CTNNA3: variants seen among roughly 807,000 people sequenced by gnomAD.
The protein encoded by CTNNA3 is catenin alpha-3.
CTNNA3 carries 76 observed loss-of-function variants against 95.7 expected under a neutral mutation model. The ratio of observed to expected loss-of-function variants is 0.79; its 90% CI spans 0.66 to 0.96. The LOEUF (loss-of-function observed/expected upper bound fraction) is 0.96, where lower values mean the gene tolerates loss of function less well. CTNNA3 is among the 40% of genes least tolerant of loss of function. The probability of loss-of-function intolerance (pLI) is 0.00; values close to 1 mark genes in which losing one functional copy is unlikely to be tolerated. For missense variants in CTNNA3, 1,191 were observed against 1,089.8 expected, an observed-to-expected ratio of 1.09 and a Z score of -1.31; for synonymous variants, 431 against 374.4, an observed-to-expected ratio of 1.15 and a Z score of -1.74.
At chr10:66,929,347 G>A (rs963245289) in intron 7 of CTNNA3, among the ~76,000 whole-genome samples, 11 of 152,212 alleles carry the variant, frequency 7.2e-5, no homozygotes, top group Non-Finnish European at 1.0e-4. Flanking sequence ...ACAGGCATGT[G>A]GTTGAGAGCT....
intron 7 of CTNNA3, among the ~76,000 whole-genome samples, chr10:67,039,350 T>A (rs962950226): frequency 1.3e-5 from 2 of 152,088 alleles, no homozygotes; most frequent in Non-Finnish European, 2.9e-5. Flanking sequence ...TTCTAAGAAG[T>A]TTTTTCTGGA....
chr10:66,314,294 T>C (rs897712437), intron 12 of CTNNA3, among the ~76,000 whole-genome samples: 7 of 152,214 alleles, frequency 4.6e-5, no homozygotes, highest in Admixed American at 2.0e-4. Context: ...GATGCCATGA[T>C]GAAATAAGGC....
chr10:67,565,797 T>C (rs1412140469), intron 3 of CTNNA3, among the ~76,000 whole-genome samples: 2 of 146,482 alleles, frequency 1.4e-5, no homozygotes, highest in Non-Finnish European at 3.0e-5. Flanking sequence ...GTATGGAGAT[T>C]TCCCAAAGGA....
intron 15 of CTNNA3, among the ~76,000 whole-genome samples, chr10:65,998,144 G>A (rs761451759): frequency 2.0e-5 from 3 of 152,196 alleles, no homozygotes; most frequent in Non-Finnish European, 2.9e-5. Flanking sequence ...TAGGAAAAAA[G>A]CAAGAAGTGT....
intron 9 of CTNNA3, among the ~76,000 whole-genome samples, chr10:66,638,416 T>C (rs923909036): frequency 3.9e-5 from 6 of 152,128 alleles, no homozygotes; most frequent in African/African-American, 1.4e-4. Flanking sequence ...TTGAATATAA[T>C]ATCCTCCCGC....
chr10:66,939,142 A>C (rs1316328230), intron 7 of CTNNA3, among the ~76,000 whole-genome samples: 1 of 152,090 alleles, frequency 6.6e-6, no homozygotes, highest in African/African-American at 2.4e-5. Flanking sequence ...GGCCTCCAAC[A>C]CTCAGAAGCT....
chr10:66,532,739 G>A (rs1227480048), intron 10 of CTNNA3, among the ~76,000 whole-genome samples: 2 of 152,120 alleles, frequency 1.3e-5, no homozygotes, highest in Non-Finnish European at 2.9e-5. Flanking sequence ...AGGACAACAC[G>A]TATATGAAAT....
intron 9 of CTNNA3, among the ~76,000 whole-genome samples, chr10:66,643,342 C>A (rs1471215307): frequency 1.3e-5 from 2 of 152,114 alleles, no homozygotes; most frequent in Non-Finnish European, 2.9e-5. Flanking sequence ...TAACTGAAGA[C>A]CATGTTTGTG....
At chr10:67,464,919 G>A (rs1911357) in intron 5 of CTNNA3, among the ~76,000 whole-genome samples, 46,101 of 151,260 alleles carry the variant, frequency 0.3, 12,523 homozygotes, top group African/African-American at 0.73. Flanking sequence ...CCTTCTTAGA[G>A]GCTTCGGGGG....
At chr10:67,551,399 C>G (rs1007321280) in intron 3 of CTNNA3, among the ~76,000 whole-genome samples, 2 of 152,104 alleles carry the variant, frequency 1.3e-5, no homozygotes, top group East Asian at 1.9e-4. Flanking sequence ...CTGTCTCCCC[C>G]ACCTGCTGAG....
In CTNNA3 at chr10:66,873,378, GT is replaced by G. The variant is rs58775377; in HGVS notation, c.1048-97855del. 3.3e-3 allele frequency among the ~76,000 whole-genome samples: 488 copies of G among 149,190 alleles called. 3 individuals carry two copies. The highest frequency in any genetic ancestry group is 0.011 in the African/African-American group (457 of 40,696). On this transcript the variant is annotated intron_variant, in intron 7 of 17. Transcript: ENST00000433211. ...TGGTTTTTTTGTTTGTTTGTTTTTT[GT>G]TTTTTTTTTACTTTTTAATAATAGC...
intron 12 of CTNNA3, among the ~76,000 whole-genome samples, chr10:66,361,991 A>G (rs528456617): frequency 8.5e-5 from 13 of 152,196 alleles, no homozygotes; most frequent in East Asian, 7.7e-4. Context: ...CCTTTGTAAT[A>G]TCAGAAAAGA....
intron 7 of CTNNA3, among the ~76,000 whole-genome samples, chr10:67,082,780 C>T (rs531671296): frequency 2.1e-3 from 314 of 152,236 alleles, no homozygotes; most frequent in African/African-American, 6.9e-3. Context: ...TGTTAAAAGA[C>T]ATCCTAAGGA....
chr10:67,739,961 T>C (rs994853190), intron 1 of CTNNA3, among the ~76,000 whole-genome samples: 1 of 152,004 alleles, frequency 6.6e-6, no homozygotes, highest in African/African-American at 2.4e-5. Context: ...AAAACAGAGA[T>C]ATAGATCAAT....
At chr10:66,510,541 T>A (rs1376759393) in intron 11 of CTNNA3, among the ~76,000 whole-genome samples, 1 of 141,674 alleles carries the variant, frequency 7.1e-6, no homozygotes, top group African/African-American at 2.5e-5. Context: ...TTGTCATATA[T>A]GGTCTTTATT....
intron 5 of CTNNA3, among the ~76,000 whole-genome samples, chr10:67,452,983 C>A (rs1257107292): frequency 3.9e-5 from 6 of 152,140 alleles, no homozygotes; most frequent in African/African-American, 1.4e-4. Flanking sequence ...AGGGTATTAG[C>A]CACACTTCAA....
At chr10:66,880,341 C>T (rs1405979840) in intron 7 of CTNNA3, among the ~76,000 whole-genome samples, 1 of 152,036 alleles carries the variant, frequency 6.6e-6, no homozygotes, top group East Asian at 1.9e-4. Context: ...AGTAAAGAGC[C>T]ACAAGATGGT....
chr10:67,224,221 G>GTATA (rs1297694721), intron 5 of CTNNA3, among the ~76,000 whole-genome samples: 1 of 152,166 alleles, frequency 6.6e-6, no homozygotes, highest in Non-Finnish European at 1.5e-5. Context: ...AATTGAAAGT[G>GTATA]TATACCCTTT....
At chr10:67,471,691 G>A (rs532995229) in intron 5 of CTNNA3, among the ~76,000 whole-genome samples, 50 of 152,282 alleles carry the variant, frequency 3.3e-4, no homozygotes, top group African/African-American at 1.1e-3. Context: ...AAGTTAAATC[G>A]GGAGTGGATG....
Sources: allele counts gnomAD v4.1 joint callset (sites outside exome capture counted in the v4.1 genomes callset), GRCh38; gene constraint gnomAD v4.1.1; transcripts MANE v1.5; gene names NCBI Gene and HGNC (gene_info 2026-07-23, HGNC 2026-07-21).